The following MALRD1 variants were observed in gnomAD, a reference collection of about 807,000 sequenced individuals.
The protein encoded by MALRD1 is MAM and LDL-receptor class A domain-containing protein 1.
A neutral mutation model predicts 242.1 loss-of-function variants in MALRD1; 247 were observed. The observed-to-expected ratio is 1.02, with a 90% CI of 0.92 to 1.13. The LOEUF is 1.13. Ranked by LOEUF, MALRD1 falls within the 50% of genes most tolerant of loss-of-function variation. The pLI is 0.00. For missense variants in MALRD1, 2,989 were observed against 2,533.1 expected, an observed-to-expected ratio of 1.18 and a Z score of -3.86; for synonymous variants, 995 against 866.6, an observed-to-expected ratio of 1.15 and a Z score of -2.60.
chr10:19,613,313 G>A (rs184637534), intron 35 of MALRD1, among the ~76,000 whole-genome samples: 18 of 151,988 alleles, frequency 1.2e-4, no homozygotes, highest in Admixed American at 2.0e-4. Flanking sequence ...CCCACAGGTC[G>A]GGTCACTTCT....
chr10:19,096,892 TG>T, intron 4 of MALRD1, among the ~76,000 whole-genome samples: 1 of 152,184 alleles, frequency 6.6e-6, no homozygotes. Context: ...GACTCTCACC[TG>T]GGGGCTTTAT....
intron 36 of MALRD1, among the ~76,000 whole-genome samples, chr10:19,672,910 T>A (rs1841988764): frequency 6.6e-6 from 1 of 152,158 alleles, no homozygotes; most frequent in Non-Finnish European, 1.5e-5. Context: ...ATTTTATATG[T>A]TTAGAAGAGC....
At position 19,708,906 on chromosome 10, in the gene MALRD1, G is replaced by T. The variant is rs1473028328; in HGVS notation, c.6314+16352G>T. Among the ~76,000 whole-genome samples the T allele has an allele frequency of 1.6e-5, 2 of 121,244 alleles. 1 individual carries two copies. The highest frequency in any genetic ancestry group is 5.2e-5 in the African/African-American group (2 of 38,192). 79.5% of individuals were successfully genotyped at this position (121,244 alleles called of 152,430 possible). On this transcript the variant is annotated intron_variant, in intron 38 of 39. Coordinates refer to ENST00000454679, the MANE Select transcript of MALRD1 (RefSeq NM_001142308.3). ...TGGAACTCCTGACTTCAGGTGATCTGCCCGCCTCGGCCTCCCAAAGTGCTG... is the reference window on the plus strand; with the variant it reads ...TGGAACTCCTGACTTCAGGTGATCTTCCCGCCTCGGCCTCCCAAAGTGCTG...
chr10:19,405,926 G>A (rs1313939033), intron 28 of MALRD1, among the ~76,000 whole-genome samples: 2 of 151,920 alleles, frequency 1.3e-5, no homozygotes, highest in East Asian at 1.9e-4. Flanking sequence ...CCTGAAGTAT[G>A]AGGTGTTTAG....
chr10:19,365,480 T>C (rs1171912187), intron 26 of MALRD1, among the ~76,000 whole-genome samples: 1 of 152,084 alleles, frequency 6.6e-6, no homozygotes, highest in Non-Finnish European at 1.5e-5. Flanking sequence ...CAGCTCTGAA[T>C]CTAATTGTCA....
intron 38 of MALRD1, among the ~76,000 whole-genome samples, chr10:19,719,978 CAATGAG>C (rs1403531901): frequency 5.9e-5 from 9 of 152,080 alleles, no homozygotes; most frequent in African/African-American, 2.2e-4. Flanking sequence ...AGTGTACACT[CAATGAG>C]AATAGGTTGA....
chr10:19,073,161 C>G (rs1352639944), intron 2 of MALRD1, among the ~76,000 whole-genome samples: 1 of 152,064 alleles, frequency 6.6e-6, no homozygotes, highest in African/African-American at 2.4e-5. Flanking sequence ...GTGATCTGCC[C>G]ACCTTGGCCT....
At chr10:19,599,448 A>G (rs923424819) in intron 34 of MALRD1, among the ~76,000 whole-genome samples, 2 of 152,160 alleles carry the variant, frequency 1.3e-5, no homozygotes, top group Non-Finnish European at 2.9e-5. Flanking sequence ...AAAATATAAA[A>G]GAAAAGAAAA....
chr10:19,493,642 T>C (rs1837587088), intron 30 of MALRD1, among the ~76,000 whole-genome samples: 2 of 130,754 alleles, frequency 1.5e-5, no homozygotes, highest in African/African-American at 7.1e-5. Flanking sequence ...ACCCCGTCTC[T>C]ACTAAAAAAA....
At chr10:19,666,702 A>C (rs1841697706) in intron 36 of MALRD1, among the ~76,000 whole-genome samples, 2 of 152,230 alleles carry the variant, frequency 1.3e-5, no homozygotes, top group South Asian at 4.1e-4. Flanking sequence ...GCATTAGAGC[A>C]GCTAAAGTAG....
chr10:19,413,993 A>G (rs771738506), intron 28 of MALRD1, among the ~76,000 whole-genome samples: 5 of 151,682 alleles, frequency 3.3e-5, no homozygotes, highest in Admixed American at 2.0e-4. Flanking sequence ...GATTTTTACC[A>G]ATTGCATTCC....
chr10:19,475,004 C>A (rs573417177), intron 29 of MALRD1, among the ~76,000 whole-genome samples: 1 of 152,278 alleles, frequency 6.6e-6, no homozygotes, highest in East Asian at 1.9e-4. Flanking sequence ...ATAGGAAGTT[C>A]AATATCCCTA....
At chr10:19,487,149 C>G (rs1361673776) in intron 29 of MALRD1, among the ~76,000 whole-genome samples, 1 of 152,102 alleles carries the variant, frequency 6.6e-6, no homozygotes, top group East Asian at 1.9e-4. Flanking sequence ...AATGTTCCAT[C>G]CATTCTTTTA....
At position 19,346,674 on chromosome 10, in the gene MALRD1, T is replaced by G. The variant is rs189389020; in HGVS notation, c.3902-1097T>G. ...GGTTTTTTGTTTTTTGTTTTTGAGA[T>G]GGAGTCTCGCTCTATCACCCAGGCT... On this transcript the variant is annotated intron_variant, in intron 24 of 39. Transcript: ENST00000454679. Among the ~76,000 whole-genome samples, 471 of 152,202 alleles carry G rather than the reference T, an allele frequency of 3.1e-3. 1 individual carries two copies. The highest frequency in any genetic ancestry group is 6.8e-3 in the Middle Eastern group (2 of 294).
At chr10:19,601,436 T>C (rs963880554) in intron 34 of MALRD1, among the ~76,000 whole-genome samples, 14 of 151,952 alleles carry the variant, frequency 9.2e-5, no homozygotes, top group Admixed American at 5.9e-4. Flanking sequence ...AAATATTAGA[T>C]GCATTCATAA....
At chr10:19,217,114 C>G (rs1413657584) in intron 18 of MALRD1, among the ~76,000 whole-genome samples, 1 of 152,136 alleles carries the variant, frequency 6.6e-6, no homozygotes, top group East Asian at 1.9e-4. Flanking sequence ...CCTTGCTGCT[C>G]TCATTTTTGG....
At chr10:19,718,497 C>A (rs938567343) in intron 38 of MALRD1, among the ~76,000 whole-genome samples, 1 of 152,192 alleles carries the variant, frequency 6.6e-6, no homozygotes, top group African/African-American at 2.4e-5. Flanking sequence ...CGCAAGAACT[C>A]ACTCATCACC....
At chr10:19,218,051 T>G (rs1311119105) in intron 18 of MALRD1, among the ~76,000 whole-genome samples, 2 of 152,116 alleles carry the variant, frequency 1.3e-5, no homozygotes, top group African/African-American at 4.8e-5. Flanking sequence ...GGTTTCTTTA[T>G]TGTGTTCAAA....
intron 12 of MALRD1, among the ~76,000 whole-genome samples, chr10:19,160,252 G>A (rs1834339647): frequency 6.6e-6 from 1 of 150,646 alleles, no homozygotes; most frequent in South Asian, 2.1e-4. Flanking sequence ...CTGTTTATAT[G>A]CTGGATTACA....
Sources: allele counts gnomAD v4.1 joint callset (sites outside exome capture counted in the v4.1 genomes callset), GRCh38; gene constraint gnomAD v4.1.1; transcripts MANE v1.5; gene names NCBI Gene and HGNC (gene_info 2026-07-23, HGNC 2026-07-21).